The following RPS6KA2 variants were observed in gnomAD, a reference collection of about 807,000 sequenced individuals.
The protein encoded by RPS6KA2 is ribosomal protein S6 kinase A2.
In RPS6KA2, 42 loss-of-function variants were observed where a neutral mutation model predicts 91.8. The ratio of observed to expected loss-of-function variants is 0.46; its 90% CI spans 0.36 to 0.59. The LOEUF is 0.59. RPS6KA2 is among the 20% of genes least tolerant of loss of function. The pLI is 0.00. For synonymous variants in RPS6KA2, 414 were observed against 393.6 expected, an observed-to-expected ratio of 1.05 and a Z score of -0.61; for missense variants, 798 against 978.5, an observed-to-expected ratio of 0.82 and a Z score of 2.46.
intron 1 of RPS6KA2, among the ~76,000 whole-genome samples, chr6:166,599,354 A>T (rs1785649995): frequency 6.6e-6 from 1 of 152,224 alleles, no homozygotes; most frequent in South Asian, 2.1e-4. Flanking sequence ...AATGGTAAAC[A>T]GTGTCTCTGG....
chr6:166,659,038 C>G (rs1053489150), intron 2 of RPS6KA2, among the ~76,000 whole-genome samples: 2 of 151,866 alleles, frequency 1.3e-5, no homozygotes, highest in African/African-American at 4.8e-5. Context: ...CCCAGTGACC[C>G]TTGGGAGGTA....
chr6:166,615,654 C>T (rs1583329592), intron 1 of RPS6KA2, among the ~76,000 whole-genome samples: 1 of 152,220 alleles, frequency 6.6e-6, no homozygotes. Context: ...AGGTAGGAAA[C>T]AGCAAAAGCA....
intron 8 of RPS6KA2, among the ~76,000 whole-genome samples, chr6:166,496,388 G>GAA (rs147272970): frequency 2.0e-5 from 3 of 150,860 alleles, no homozygotes; most frequent in African/African-American, 4.9e-5. Flanking sequence ...AGAAAAAAAA[G>GAA]AAAAAAAATT....
At chr6:166,541,499 G>A (rs1267395823) in intron 1 of RPS6KA2, among the ~76,000 whole-genome samples, 1 of 152,218 alleles carries the variant, frequency 6.6e-6, no homozygotes, top group Non-Finnish European at 1.5e-5. Context: ...TGTGGGACTA[G>A]GCTCTGAAGC....
At chr6:166,725,763 G>A (rs957336354) in intron 2 of RPS6KA2, among the ~76,000 whole-genome samples, 2 of 152,242 alleles carry the variant, frequency 1.3e-5, no homozygotes, top group East Asian at 1.9e-4. Flanking sequence ...TCGGGCCAGC[G>A]TGGACGTTCC....
chr6:166,660,601 T>A (rs1376260144), intron 2 of RPS6KA2, among the ~76,000 whole-genome samples: 2 of 152,158 alleles, frequency 1.3e-5, no homozygotes, highest in African/African-American at 4.8e-5. Context: ...AGTGAATAAT[T>A]ACCTACACAA....
chr6:166,713,497 TCTC>T (rs1443668744), intron 2 of RPS6KA2, among the ~76,000 whole-genome samples: 1 of 152,150 alleles, frequency 6.6e-6, no homozygotes, highest in East Asian at 1.9e-4. Flanking sequence ...TTTTCTCTGT[TCTC>T]CTTTTAAAGG....
chr6:166,633,826 C>T (rs953162343), intron 2 of RPS6KA2, among the ~76,000 whole-genome samples: 42 of 152,164 alleles, frequency 2.8e-4, no homozygotes, highest in Non-Finnish European at 5.9e-5. Context: ...TCATCACGGG[C>T]TAGTGACAAA....
chr6:166,540,202 A>G (rs1301209649), intron 1 of RPS6KA2, among the ~76,000 whole-genome samples: 1 of 152,238 alleles, frequency 6.6e-6, no homozygotes. Context: ...AAATCACAAT[A>G]GCAATAACGT....
Position 166,612,202 on chromosome 6 carries a change from A to G in RPS6KA2, c.99+14719T>C, listed in dbSNP as rs1246578357. On this transcript the variant is annotated intron_variant, in intron 1 of 20. Transcript: ENST00000265678. The surrounding 1 kb of genome is among the most constrained non-coding windows in gnomAD (Gnocchi z 4.3). ...CTCACTGACCATCTGGGGGGGCTCT[A>G]GGAAAAGCCTGGAAGAGACTCTCTG... 1.3e-5 allele frequency among the ~76,000 whole-genome samples: 2 copies of G among 152,080 alleles called. No individual in the cohort carries two copies. Among genetic ancestry groups the G allele is most frequent in the Non-Finnish European group, 2.9e-5 (2 of 68,020 alleles).
rs2984 is a variant in RPS6KA2, at chr6:166,412,533, C to T, written c.*229G>A. 267,651 of 393,680 alleles carry T rather than the reference C, an allele frequency of 0.68. 92,466 individuals are homozygous for T. Among genetic ancestry groups the T allele is most frequent in the South Asian group, 0.81 (13,549 of 16,770 alleles). The allele number at this position is 393,680 out of a possible 1,614,324, so 24.4% of individuals were successfully genotyped here. A position where few individuals can be genotyped will look rare whatever the true frequency, so the allele number is the denominator to read the frequency against. On this transcript the variant is annotated 3_prime_UTR_variant, in exon 21 of 21. Transcript: ENST00000265678. The surrounding 1 kb of genome is among the most constrained non-coding windows in gnomAD (Gnocchi z 4.3). ...CGAGGTGAAGGGGCGCATTTGGTTT[C>T]GCTTGGGAGAAAAGAGAGCGGGCGG...
intron 2 of RPS6KA2, among the ~76,000 whole-genome samples, chr6:166,839,496 A>G (rs1780403204): frequency 6.6e-6 from 1 of 151,288 alleles, no homozygotes; most frequent in Non-Finnish European, 1.5e-5. Context: ...GGGGGAATTG[A>G]GCCTTACCAT....
At chr6:166,512,314 G>C (rs533433055) in intron 3 of RPS6KA2, among the ~76,000 whole-genome samples, 2 of 152,300 alleles carry the variant, frequency 1.3e-5, no homozygotes, top group Admixed American at 1.3e-4. Context: ...ACAGGAGCTG[G>C]AAGGGGGAGA....
intron 1 of RPS6KA2, among the ~76,000 whole-genome samples, chr6:166,550,684 C>T (rs1460758415): frequency 1.3e-5 from 2 of 152,106 alleles, no homozygotes; most frequent in African/African-American, 2.4e-5. Flanking sequence ...TTACTGGAAA[C>T]TGACAAACAA....
chr6:166,473,349 C>T (rs1181056462), intron 10 of RPS6KA2, among the ~76,000 whole-genome samples: 1 of 152,070 alleles, frequency 6.6e-6, no homozygotes, highest in Non-Finnish European at 1.5e-5. Flanking sequence ...TGCCACTACA[C>T]CTGGCTAATA....
intron 13 of RPS6KA2, among the ~76,000 whole-genome samples, chr6:166,450,394 AGGAGATCACCAC>A (rs1779855878): frequency 1.5e-5 from 2 of 135,734 alleles, no homozygotes; most frequent in African/African-American, 5.6e-5. Flanking sequence ...GGACCACCAC[AGGAGATCACCAC>A]AGGGACCACC....
At chr6:166,844,004 TAAAG>T (rs1025096721) in intron 2 of RPS6KA2, among the ~76,000 whole-genome samples, 5 of 150,264 alleles carry the variant, frequency 3.3e-5, no homozygotes, top group African/African-American at 1.2e-4. Context: ...AACTCCAACT[TAAAG>T]AAATAAAAAA....
At chr6:166,537,272 T>C in intron 2 of RPS6KA2, among the ~76,000 whole-genome samples, 1 of 152,292 alleles carries the variant, frequency 6.6e-6, no homozygotes, top group Non-Finnish European at 1.5e-5. Context: ...TGCTTGTCTC[T>C]GTTTTCAAAT....
chr6:166,721,290 C>G (rs573533325), intron 2 of RPS6KA2, among the ~76,000 whole-genome samples: 2 of 152,254 alleles, frequency 1.3e-5, no homozygotes, highest in Non-Finnish European at 2.9e-5. Flanking sequence ...AAGACTGCAG[C>G]CTCCAACAAG....
Sources: allele counts gnomAD v4.1 joint callset (sites outside exome capture counted in the v4.1 genomes callset), GRCh38; gene constraint gnomAD v4.1.1; non-coding constraint Gnocchi (gnomAD v3.1); transcripts MANE v1.5; gene names NCBI Gene and HGNC (gene_info 2026-07-23, HGNC 2026-07-21).